PHLDB2: variants seen among roughly 807,000 people sequenced by gnomAD.
The protein encoded by PHLDB2 is pleckstrin homology-like domain family B member 2.
A neutral mutation model predicts 123.6 loss-of-function variants in PHLDB2; 71 were observed. The observed-to-expected ratio is 0.57, with a 90% CI of 0.47 to 0.70. The LOEUF (loss-of-function observed/expected upper bound fraction) is 0.70, where lower values mean the gene tolerates loss of function less well. Among genes scored for constraint, PHLDB2 ranks in the 30% least tolerant of loss-of-function variants. The probability of loss-of-function intolerance (pLI) is 0.00; values close to 1 mark genes in which losing one functional copy is unlikely to be tolerated. For synonymous variants in PHLDB2, 547 were observed against 541.6 expected (o/e 1.01, Z -0.14); for missense variants, 1,446 against 1,519.5 (o/e 0.95, Z 0.80).
At chr3:111,947,588 T>C (rs933689098) in intron 9 of PHLDB2, among the ~76,000 whole-genome samples, 1 of 152,228 alleles carries the variant, frequency 6.6e-6, no homozygotes, top group Non-Finnish European at 1.5e-5. Context: ...ATGACTCATA[T>C]AAATAATTAA....
intron 1 of PHLDB2, among the ~76,000 whole-genome samples, chr3:111,818,921 C>A (rs145524193): frequency 6.6e-6 from 1 of 152,090 alleles, no homozygotes; most frequent in South Asian, 2.1e-4. Context: ...GTCCACCTGT[C>A]CTAGTCAATT....
chr3:111,745,261 A>C (rs2059663293), intron 1 of PHLDB2, among the ~76,000 whole-genome samples: 1 of 152,268 alleles, frequency 6.6e-6, no homozygotes, highest in East Asian at 1.9e-4. Context: ...ATGTAGAGCA[A>C]AATGACATAG....
intron 1 of PHLDB2, among the ~76,000 whole-genome samples, chr3:111,793,776 C>T (rs2061030525): frequency 6.6e-6 from 1 of 151,816 alleles, no homozygotes; most frequent in Non-Finnish European, 1.5e-5. Context: ...CAGTGGGCTC[C>T]CTTCTGTCCC....
intron 1 of PHLDB2, among the ~76,000 whole-genome samples, chr3:111,761,202 A>G (rs2059988389): frequency 6.6e-6 from 1 of 152,066 alleles, no homozygotes; most frequent in South Asian, 2.1e-4. Context: ...AAAAAAAGAA[A>G]AAAAAAACTA....
rs11418818 is a variant in PHLDB2 at position 111,807,946 on chromosome 3, GTTT to G, written c.-48-37859_-48-37857del. Among the ~76,000 whole-genome samples, 266 of 86,398 alleles carry G rather than the reference GTTT, an allele frequency of 3.1e-3. 2 individuals carry two copies. Among genetic ancestry groups the G allele is most frequent in the Admixed American group, 6.2e-3 (57 of 9,208 alleles). The allele number at this position is 86,398 out of a possible 152,430, so 56.7% of individuals were successfully genotyped here. A position where few individuals can be genotyped will look rare whatever the true frequency, so the allele number is the denominator to read the frequency against. ...GGACCATTTTATAAATAAGCTGGGTGTTTTTTTTTTTTTTTTTTGCCTAATTTT... is the reference window on the plus strand; with the variant it reads ...GGACCATTTTATAAATAAGCTGGGTGTTTTTTTTTTTTTTTGCCTAATTTT... On this transcript the variant is annotated intron_variant, in intron 1 of 17. Transcript: ENST00000393923.
chr3:111,859,747 G>C, intron 1 of PHLDB2, 171 bp downstream of exon 1: 1 of 985,484 alleles, frequency 1.0e-6, no homozygotes, highest in Non-Finnish European at 1.2e-6. Flanking sequence ...GAGGAGGGGC[G>C]CGCTGACTGC....
rs1051702693 is a variant in PHLDB2 at position 111,945,533 on chromosome 3, A to G, written c.2487+176A>G. 18 of 631,994 alleles carry G rather than the reference A, an allele frequency of 2.8e-5. 1 individual carries two copies. The highest frequency in any genetic ancestry group is 5.1e-5 in the Non-Finnish European group (18 of 355,054). The allele number at this position is 631,994 out of a possible 1,614,324, so 39.1% of individuals were successfully genotyped here. A position where few individuals can be genotyped will look rare whatever the true frequency, so the allele number is the denominator to read the frequency against. On this transcript the variant is annotated intron_variant, in intron 9 of 17. Transcript: ENST00000431670. ...GTATGCTTTGAGGATTTCAGAGATTATCCTTGTGTCTAATGCAGATGCACA... is the reference window on the plus strand; with the variant it reads ...GTATGCTTTGAGGATTTCAGAGATTGTCCTTGTGTCTAATGCAGATGCACA...
intron 2 of PHLDB2, among the ~76,000 whole-genome samples, chr3:111,851,031 T>C (rs2064227651): frequency 6.6e-6 from 1 of 151,504 alleles, no homozygotes; most frequent in Non-Finnish European, 1.5e-5. Flanking sequence ...CCGTCTCTAC[T>C]AAAAATACAA....
intron 13 of PHLDB2, among the ~76,000 whole-genome samples, chr3:111,964,277 G>A (rs886755437): frequency 3.7e-5 from 5 of 135,668 alleles, no homozygotes; most frequent in African/African-American, 1.5e-4. Context: ...AGGGACAAAT[G>A]TGTCTCACCA....
intron 1 of PHLDB2, among the ~76,000 whole-genome samples, chr3:111,860,428 T>C (rs2064770307): frequency 6.6e-6 from 1 of 152,184 alleles, no homozygotes; most frequent in Non-Finnish European, 1.5e-5. Context: ...TTGGGGAGTA[T>C]TTTAACCCTC....
At chr3:111,780,782 G>C (rs937284381) in intron 1 of PHLDB2, among the ~76,000 whole-genome samples, 1 of 152,020 alleles carries the variant, frequency 6.6e-6, no homozygotes, top group African/African-American at 2.4e-5. Context: ...AGACCCAAAT[G>C]CATCAATAGC....
At position 111,894,782 on chromosome 3, in the gene PHLDB2, G is replaced by A. The variant is rs945561877; in HGVS notation, c.1335+9370G>A. 1.8e-4 allele frequency among the ~76,000 whole-genome samples: 27 copies of A among 151,858 alleles called. 1 individual carries two copies. The highest frequency in any genetic ancestry group is 3.4e-4 in the Non-Finnish European group (23 of 67,934). On this transcript the variant is annotated intron_variant, in intron 2 of 17. Transcript: ENST00000431670. The stretch of plus-strand genomic sequence containing the variant: ...TTGTTTTTTTCTTGTAAATTTGTTT[G>A]AGTTCATTGTAGATTCTGGATATTA...
chr3:111,890,146 G>C (rs1276057374), intron 2 of PHLDB2, among the ~76,000 whole-genome samples: 1 of 152,154 alleles, frequency 6.6e-6, no homozygotes, highest in African/African-American at 2.4e-5. Context: ...ACTGGATTCC[G>C]ATTCTACCTG....
At chr3:111,798,682 A>AAAAATAAAATAAAATAAAAT (rs11276346) in intron 1 of PHLDB2, among the ~76,000 whole-genome samples, 23,409 of 144,368 alleles carry the variant, frequency 0.16, 2,209 homozygotes, top group Non-Finnish European at 0.21. Context: ...TGTCTCTAAT[A>AAAAATAAAATAAAATAAAAT]AAAATAAAAT....
intron 1 of PHLDB2, among the ~76,000 whole-genome samples, chr3:111,842,784 A>T (rs1027442338): frequency 1.3e-5 from 2 of 152,188 alleles, no homozygotes; most frequent in Non-Finnish European, 2.9e-5. Flanking sequence ...ATCCACTTCC[A>T]GGCAACCACA....
intron 13 of PHLDB2, among the ~76,000 whole-genome samples, chr3:111,963,419 A>G (rs749486085): frequency 9.2e-5 from 14 of 152,232 alleles, no homozygotes; most frequent in Non-Finnish European, 1.3e-4. Context: ...ATACTCTTCT[A>G]TAAGCCAGTT....
At position 111,885,296 on chromosome 3, in the gene PHLDB2, C is replaced by G; in HGVS notation, c.1219C>G (p.Pro407Ala). 2 of 1,614,176 alleles carry G rather than the reference C, an allele frequency of 1.2e-6. No individual in the cohort carries two copies. The highest frequency in any genetic ancestry group is 1.7e-6 in the Non-Finnish European group (2 of 1,180,024). ...CAGACAGGCCTCAGGAACCCCCCAG[C>G]CTGCCCTTCGGGAACGGAAAAGCAG... ...SLRQASGTPQ[P>A]ALRERKSSIS... The change falls in exon 2 of 18, where the codon CCT becomes GCT. Residue 407 changes from proline (P) to alanine (A), a missense_variant. Pro to Ala is a conservative substitution (Grantham distance 27). Transcript: ENST00000431670.
intron 1 of PHLDB2, among the ~76,000 whole-genome samples, chr3:111,805,122 A>G (rs1226042226): frequency 1.3e-5 from 2 of 152,124 alleles, no homozygotes; most frequent in Non-Finnish European, 2.9e-5. Context: ...CAACAAGTCT[A>G]CTCCTAGATA....
At chr3:111,775,360 A>G (rs2060250298) in intron 1 of PHLDB2, among the ~76,000 whole-genome samples, 1 of 152,200 alleles carries the variant, frequency 6.6e-6, no homozygotes, top group African/African-American at 2.4e-5. Context: ...ATGAGTAGTC[A>G]TGGAAGAAAA....
Sources: allele counts gnomAD v4.1 joint callset (sites outside exome capture counted in the v4.1 genomes callset), GRCh38; gene constraint gnomAD v4.1.1; transcripts MANE v1.5; gene names NCBI Gene and HGNC (gene_info 2026-07-23, HGNC 2026-07-21).